ANK3: variants seen among roughly 807,000 people sequenced by gnomAD.
ANK3 encodes ankyrin-3.
ANK3 carries 57 observed loss-of-function variants against 370.9 expected under a neutral mutation model. The observed-to-expected ratio is 0.15, with a 90% CI of 0.12 to 0.19. ANK3 has a LOEUF of 0.19. ANK3 is among the 10% of genes least tolerant of loss of function. The pLI, the probability that ANK3 is intolerant of heterozygous loss-of-function variation, is 1.00. For synonymous variants in ANK3, 1,929 were observed against 1,946.3 expected, an observed-to-expected ratio of 0.99 and a Z score of 0.23; for missense variants, 4,439 against 5,302.1, an observed-to-expected ratio of 0.84 and a Z score of 5.06.
At chr10:60,370,321 T>A (rs2059937083) in intron 1 of ANK3, among the ~76,000 whole-genome samples, 1 of 152,206 alleles carries the variant, frequency 6.6e-6, no homozygotes, top group Admixed American at 6.5e-5. Context: ...AAAATTAAAC[T>A]TTTAATGCTA....
At chr10:60,394,478 C>T (rs1017162910), upstream of ANK3, among the ~76,000 whole-genome samples, 1 of 152,066 alleles carries the variant, frequency 6.6e-6, no homozygotes. Context: ...CCCCATCTAT[C>T]TGACTATCCA....
intron 7 of ANK3, 28 bp from the exon 8 acceptor site, chr10:60,234,814 T>A (rs1230483430): frequency 1.3e-6 from 2 of 1,502,662 alleles, no homozygotes; most frequent in East Asian, 4.5e-5. Context: ...AAGTACAGAT[T>A]TGATATTTTT....
chr10:60,546,802 A>C (rs892574533), intron 2 of ANK3, among the ~76,000 whole-genome samples: 1 of 152,156 alleles, frequency 6.6e-6, no homozygotes. Flanking sequence ...AAGATCAAGA[A>C]AGTTTATAAC....
intron 2 of ANK3, among the ~76,000 whole-genome samples, chr10:60,431,350 ACT>A (rs1447765815): frequency 6.6e-6 from 1 of 151,828 alleles, no homozygotes; most frequent in Non-Finnish European, 1.5e-5. Context: ...CTCCTCTGAG[ACT>A]CTAATGCCGC....
chr10:60,499,209 T>A (rs982141847), intron 2 of ANK3, among the ~76,000 whole-genome samples: 1 of 152,180 alleles, frequency 6.6e-6, no homozygotes, highest in East Asian at 1.9e-4. Context: ...ATGCATGTTC[T>A]TCCTCAAAAG....
intron 2 of ANK3, among the ~76,000 whole-genome samples, chr10:60,439,810 T>C (rs1224937383): frequency 2.0e-5 from 3 of 152,246 alleles, no homozygotes; most frequent in Admixed American, 1.3e-4. Flanking sequence ...CAATGACATC[T>C]GAAGTTCTTG....
At chr10:60,557,276 C>A (rs2077229762) in intron 2 of ANK3, among the ~76,000 whole-genome samples, 1 of 152,130 alleles carries the variant, frequency 6.6e-6, no homozygotes, top group East Asian at 1.9e-4. Flanking sequence ...AAATGTGGAA[C>A]ATCCATACAA....
rs141741941 is a variant in ANK3, at chr10:60,158,685, C to CTTTTTTTTTTTTTTTTT, written c.2614+7905_2614+7906insAAAAAAAAAAAAAAAAA. Among the ~76,000 whole-genome samples the CTTTTTTTTTTTTTTTTT allele has an allele frequency of 7.5e-5, 10 of 132,752 alleles. 3 individuals are homozygous for CTTTTTTTTTTTTTTTTT. Among genetic ancestry groups the CTTTTTTTTTTTTTTTTT allele is most frequent in the Non-Finnish European group, 9.3e-5 (6 of 64,458 alleles). The allele number at this position is 132,752 out of a possible 152,430, so 87.1% of individuals were successfully genotyped here. On this transcript the variant is annotated intron_variant, in intron 23 of 43. Transcript: ENST00000280772. Reference sequence around the variant, plus strand: ...TACTACAAGAGAAAGCACTTTTTTTCTTTTTTTTGAGACAGAATCTCATTC... The same window carrying CTTTTTTTTTTTTTTTTT: ...TACTACAAGAGAAAGCACTTTTTTTCTTTTTTTTTTTTTTTTTTTTTTTTTGAGACAGAATCTCATTC...
chr10:60,672,325 C>G (rs1382805224), intron 1 of ANK3, among the ~76,000 whole-genome samples: 1 of 152,084 alleles, frequency 6.6e-6, no homozygotes, highest in Non-Finnish European at 1.5e-5. Flanking sequence ...CTTAGAGGGC[C>G]ACTAAATGGG....
chr10:60,040,410 T>A (rs564976578), intron 43 of ANK3, among the ~76,000 whole-genome samples: 1 of 152,290 alleles, frequency 6.6e-6, no homozygotes, highest in Non-Finnish European at 1.5e-5. Context: ...ATTCTTGGAC[T>A]CATTCCCTAA....
chr10:60,659,952 A>T (rs10994461), intron 1 of ANK3, among the ~76,000 whole-genome samples: 50,497 of 151,912 alleles, frequency 0.33, 8,918 homozygotes, highest in South Asian at 0.56. Flanking sequence ...CTCTACTAAT[A>T]TGATCAGTAA....
chr10:60,383,453 G>C (rs2061820458), intron 1 of ANK3, among the ~76,000 whole-genome samples: 1 of 152,110 alleles, frequency 6.6e-6, no homozygotes, highest in East Asian at 1.9e-4. Context: ...AATTGATAGT[G>C]CCAGAATCTG....
intron 2 of ANK3, among the ~76,000 whole-genome samples, chr10:60,498,230 T>C (rs2075709562): frequency 6.6e-6 from 1 of 152,202 alleles, no homozygotes; most frequent in Non-Finnish European, 1.5e-5. Context: ...CAAAGCTAAT[T>C]TCATAAGAAA....
At chr10:60,167,515 T>C (rs1275564223) in intron 21 of ANK3, among the ~76,000 whole-genome samples, 1 of 152,178 alleles carries the variant, frequency 6.6e-6, no homozygotes, top group Non-Finnish European at 1.5e-5. Flanking sequence ...CCTCTTTTAC[T>C]TTCTCTTTGA....
chr10:60,090,103 G>A (rs928407166), intron 28 of ANK3, among the ~76,000 whole-genome samples: 1 of 152,088 alleles, frequency 6.6e-6, no homozygotes. Context: ...CAGATTACGA[G>A]GTCAGGAGTT....
intron 2 of ANK3, among the ~76,000 whole-genome samples, chr10:60,415,785 CAA>C (rs949086046): frequency 6.6e-6 from 1 of 151,968 alleles, no homozygotes; most frequent in Non-Finnish European, 1.5e-5. Context: ...TAGTACCTGA[CAA>C]AAAATTTTAA....
rs567840078 is a variant in ANK3, at chr10:60,384,139, A to G, written c.114+5286T>C. Among the ~76,000 whole-genome samples the G allele has an allele frequency of 3.2e-3, 488 of 152,278 alleles. 6 individuals are homozygous for G. The highest frequency in any genetic ancestry group is 4.0e-3 in the Non-Finnish European group (270 of 68,004). On this transcript the variant is annotated intron_variant, in intron 1 of 43. Transcript: ENST00000280772. ...TGAAAATAATGCCTGCCTCATAGGA[A>G]AGTCATAGGGAAGAAAAAAGAATAA...
chr10:60,580,950 T>C (rs904605750), intron 2 of ANK3, among the ~76,000 whole-genome samples: 2 of 152,184 alleles, frequency 1.3e-5, no homozygotes, highest in African/African-American at 4.8e-5. Context: ...GGCAAACTTT[T>C]ATCGTCTTTG....
intron 1 of ANK3, among the ~76,000 whole-genome samples, chr10:60,690,554 C>T: frequency 6.6e-6 from 1 of 152,088 alleles, no homozygotes; most frequent in Admixed American, 6.5e-5. Flanking sequence ...TACTTTAATA[C>T]TTTTATGAAA....
Sources: gnomAD v4.1 joint callset for allele counts (sites outside exome capture counted in the v4.1 genomes callset) on GRCh38, gnomAD v4.1.1 for gene constraint, MANE v1.5 for transcripts, NCBI Gene and HGNC (gene_info 2026-07-23, HGNC 2026-07-21) for gene names.